The following DNM3 variants were observed in gnomAD, a reference collection of about 807,000 sequenced individuals.
The protein encoded by DNM3 is dynamin-3.
DNM3 carries 47 observed loss-of-function variants against 101.6 expected under a neutral mutation model. That is an observed-to-expected ratio of 0.46 (90% CI 0.37 to 0.59). DNM3 has a LOEUF of 0.59. DNM3 is among the 20% of genes least tolerant of loss of function. The probability of loss-of-function intolerance (pLI) is 0.00; values close to 1 mark genes in which losing one functional copy is unlikely to be tolerated. For synonymous variants in DNM3, 385 were observed against 387.9 expected (o/e 0.99, Z 0.09); for missense variants, 849 against 1,085.7 (o/e 0.78, Z 3.06).
intron 1 of DNM3, among the ~76,000 whole-genome samples, chr1:171,845,614 A>C (rs918229925): frequency 6.6e-6 from 1 of 152,230 alleles, no homozygotes; most frequent in Non-Finnish European, 1.5e-5. Context: ...TTATTTACAT[A>C]TGTTTACCTT....
intron 2 of DNM3, among the ~76,000 whole-genome samples, chr1:171,975,498 G>A (rs61805816): frequency 0.15 from 22,542 of 152,122 alleles, 2,203 homozygotes; most frequent in South Asian, 0.25. Context: ...TATTAGTAAA[G>A]CGTTTAGAAT....
chr1:172,350,158 C>T (rs1241786226), intron 17 of DNM3, among the ~76,000 whole-genome samples: 1 of 152,108 alleles, frequency 6.6e-6, no homozygotes, highest in African/African-American at 2.4e-5. Context: ...TAACTAATCA[C>T]GTTATCATTT....
chr1:172,032,340 A>G (rs2048668044), intron 4 of DNM3, 62 bp from the exon 5 acceptor site: 2 of 1,159,172 alleles, frequency 1.7e-6, no homozygotes, highest in African/African-American at 1.5e-5. Flanking sequence ...ATTGTGACAT[A>G]TATGTCTAAA....
intron 14 of DNM3, among the ~76,000 whole-genome samples, chr1:172,236,657 G>A (rs564834447): frequency 1.3e-5 from 2 of 152,102 alleles, no homozygotes; most frequent in South Asian, 2.1e-4. Flanking sequence ...AGAGGACAGA[G>A]GGAGGAAGAG....
intron 14 of DNM3, among the ~76,000 whole-genome samples, chr1:172,209,507 T>C (rs1558729443): frequency 6.6e-6 from 1 of 151,918 alleles, no homozygotes; most frequent in Non-Finnish European, 1.5e-5. Context: ...AAGTGAGTGG[T>C]TCTCAAGAAC....
intron 14 of DNM3, among the ~76,000 whole-genome samples, chr1:172,166,493 A>T (rs1220732843): frequency 1.3e-5 from 2 of 152,094 alleles, no homozygotes; most frequent in Admixed American, 1.3e-4. Context: ...AATTCCAGGA[A>T]CAAATGTGCA....
intron 20 of DNM3, among the ~76,000 whole-genome samples, chr1:172,399,126 C>G (rs921840361): frequency 2.6e-5 from 4 of 152,088 alleles, no homozygotes; most frequent in Non-Finnish European, 5.9e-5. Flanking sequence ...TTAGAAAGCC[C>G]TAATTCTTTC....
chr1:171,878,203 C>T (rs1558201250), intron 1 of DNM3, among the ~76,000 whole-genome samples: 1 of 151,996 alleles, frequency 6.6e-6, no homozygotes, highest in Non-Finnish European at 1.5e-5. Context: ...CTTGCAGAAG[C>T]TTTAATGAAA....
intron 14 of DNM3, among the ~76,000 whole-genome samples, chr1:172,225,659 C>A (rs976667408): frequency 2.8e-4 from 42 of 151,782 alleles, no homozygotes; most frequent in Admixed American, 1.7e-3. Context: ...ACATGTTGAC[C>A]ATGGTAACAT....
chr1:172,267,309 T>C (rs1385778308), intron 15 of DNM3, among the ~76,000 whole-genome samples: 1 of 152,214 alleles, frequency 6.6e-6, no homozygotes, highest in Non-Finnish European at 1.5e-5. Flanking sequence ...CCCCCTCTGT[T>C]ATATGGAGAA....
At chr1:172,205,159 C>G (rs1020308165) in intron 14 of DNM3, among the ~76,000 whole-genome samples, 4 of 152,064 alleles carry the variant, frequency 2.6e-5, no homozygotes, top group Admixed American at 1.3e-4. Context: ...AGTTTGAAAA[C>G]CATCAGAATA....
intron 4 of DNM3, among the ~76,000 whole-genome samples, chr1:172,009,116 T>C (rs1490503933): frequency 7.2e-6 from 1 of 138,098 alleles, no homozygotes; most frequent in Non-Finnish European, 1.5e-5. Context: ...ATATTATATA[T>C]CATATAATAT....
chr1:172,274,038 A>G (rs1270494037), intron 15 of DNM3, among the ~76,000 whole-genome samples: 2 of 152,006 alleles, frequency 1.3e-5, no homozygotes, highest in African/African-American at 2.4e-5. Flanking sequence ...TTGATTGCCA[A>G]ATTTGATTTT....
intron 12 of DNM3, among the ~76,000 whole-genome samples, chr1:172,091,741 A>C (rs2053924414): frequency 6.6e-6 from 1 of 152,160 alleles, no homozygotes; most frequent in South Asian, 2.1e-4. Flanking sequence ...GATGCAGTAC[A>C]CGGTTTCGAG....
chr1:171,907,493 GA>G (rs760340537), intron 1 of DNM3, among the ~76,000 whole-genome samples: 2,457 of 130,610 alleles, frequency 0.019, 60 homozygotes, highest in African/African-American at 0.055. Flanking sequence ...CTCCGTCACA[GA>G]AAAAAAAAAA....
intron 14 of DNM3, among the ~76,000 whole-genome samples, chr1:172,222,217 G>GCTA (rs2060933434): frequency 6.6e-6 from 1 of 152,156 alleles, no homozygotes; most frequent in Non-Finnish European, 1.5e-5. Context: ...ACTTGCTTTA[G>GCTA]CTAGAATCAC....
At chr1:172,386,310 C>G (rs1032574209) in intron 18 of DNM3, among the ~76,000 whole-genome samples, 1 of 151,884 alleles carries the variant, frequency 6.6e-6, no homozygotes, top group African/African-American at 2.4e-5. Flanking sequence ...CTTAAAATCA[C>G]TGGTGTCTTA....
At position 171,895,687 on chromosome 1, in the gene DNM3, G is replaced by T. The variant is rs543816149; in HGVS notation, c.162-26061G>T. ...TTTGGCTTTTGTTGCCATTGCTTTT[G>T]GTGTTTTAGTCATGAAGTCCTTGCC... On this transcript the variant is annotated intron_variant, in intron 1 of 20. Coordinates refer to ENST00000627582, the MANE Select transcript of DNM3 (RefSeq NM_015569.5). Among the ~76,000 whole-genome samples the T allele has an allele frequency of 1.5e-4, 23 of 152,082 alleles. No individual in the cohort carries two copies. In the South Asian group the frequency reaches 4.4e-3, roughly 29 times the overall value.
intron 1 of DNM3, among the ~76,000 whole-genome samples, chr1:171,892,054 T>C (rs2037330686): frequency 6.6e-6 from 1 of 152,252 alleles, no homozygotes; most frequent in Non-Finnish European, 1.5e-5. Flanking sequence ...ATGAATAGTT[T>C]ATACTTTAGG....
Sources: gnomAD v4.1 joint callset for allele counts (sites outside exome capture counted in the v4.1 genomes callset) on GRCh38, gnomAD v4.1.1 for gene constraint, MANE v1.5 for transcripts, NCBI Gene and HGNC (gene_info 2026-07-23, HGNC 2026-07-21) for gene names.